Variants in ROCK1 observed in about 807,000 individuals in gnomAD.
ROCK1 encodes the protein Rho associated coiled-coil containing protein kinase 1.
A neutral mutation model predicts 196.8 loss-of-function variants in ROCK1; 36 were observed. That is an observed-to-expected ratio of 0.18 (90% confidence interval 0.14 to 0.24). ROCK1 has a LOEUF of 0.24. Ranked by LOEUF, ROCK1 falls within the 10% of genes least tolerant of loss-of-function variation. ROCK1 has a pLI of 1.00. For missense variants in ROCK1, 920 were observed against 1,562.0 expected, an observed-to-expected ratio of 0.59 and a Z score of 6.93; for synonymous variants, 443 against 515.9, an observed-to-expected ratio of 0.86 and a Z score of 1.91.
chr18:20,955,646 T>TA (rs947669793), intron 29 of ROCK1, among the ~76,000 whole-genome samples: 30 of 148,400 alleles, frequency 2.0e-4, no homozygotes, highest in African/African-American at 5.5e-4. Context: ...TATATCTATT[T>TA]AAAAAAACCT....
intron 1 of ROCK1, among the ~76,000 whole-genome samples, chr18:21,091,645 A>G (rs1013878814): frequency 6.6e-6 from 1 of 151,770 alleles, no homozygotes; most frequent in Non-Finnish European, 1.5e-5. Flanking sequence ...AATATGTGCT[A>G]GTTGAATCTT....
At chr18:20,968,920 A>G in intron 24 of ROCK1, 60 bp from the exon 25 acceptor site, 1 of 1,129,320 alleles carries the variant, frequency 8.9e-7, no homozygotes, top group Non-Finnish European at 1.3e-6. Flanking sequence ...TGCATTTCAA[A>G]CTAACAATGT....
chr18:20,959,086 T>TA (rs1568367368), intron 29 of ROCK1, among the ~76,000 whole-genome samples: 2 of 29,768 alleles, frequency 6.7e-5, no homozygotes, highest in African/African-American at 2.5e-4. Flanking sequence ...ATATATATAT[T>TA]TTATATAATA....
At chr18:20,995,542 G>A (rs778029171) in intron 16 of ROCK1, among the ~76,000 whole-genome samples, 13 of 152,192 alleles carry the variant, frequency 8.5e-5, no homozygotes, top group Non-Finnish European at 1.3e-4. Context: ...ACCTGCTCTG[G>A]GCCAGAGAGG....
In ROCK1 at chr18:20,986,139, G is replaced by T. The variant is rs142414442; in HGVS notation, c.2304+811C>A. Among the ~76,000 whole-genome samples, 43 of 152,274 alleles carry T rather than the reference G, an allele frequency of 2.8e-4. No individual in the cohort carries two copies. In the East Asian group the frequency reaches 7.5e-3, roughly 27 times the overall value. ...GCCTCCCGAAGTGCTGGGATTACAG[G>T]TGTCAGCCAACGTGCCTGGCCACCC... On this transcript the variant is annotated intron_variant, in intron 19 of 32. Transcript: ENST00000399799.
chr18:20,959,040 A>AATATATATAATATATATATTTTATATAAT (rs1376289380), intron 29 of ROCK1, among the ~76,000 whole-genome samples: 2 of 57,426 alleles, frequency 3.5e-5, no homozygotes, highest in African/African-American at 2.8e-4. Context: ...TATTTTATAT[A>AATATATATAATATATATATTTTATATAAT]ATATATAATA....
intron 1 of ROCK1, among the ~76,000 whole-genome samples, chr18:21,108,039 A>C (rs2036718497): frequency 6.6e-6 from 1 of 152,008 alleles, no homozygotes; most frequent in Admixed American, 6.6e-5. Context: ...TGGGCAACAG[A>C]GTGAGATTCC....
At chr18:21,088,437 C>T (rs1390500588) in intron 1 of ROCK1, among the ~76,000 whole-genome samples, 1 of 152,072 alleles carries the variant, frequency 6.6e-6, no homozygotes, top group East Asian at 1.9e-4. Context: ...AAGGTCAAGG[C>T]TAGAGTGAGC....
chr18:21,065,051 T>C (rs1461222037), intron 2 of ROCK1, among the ~76,000 whole-genome samples: 2 of 152,206 alleles, frequency 1.3e-5, no homozygotes, highest in South Asian at 4.1e-4. Flanking sequence ...CATCATACGA[T>C]GCAAAGAACA....
At chr18:21,104,554 G>A (rs978649454) in intron 1 of ROCK1, among the ~76,000 whole-genome samples, 4 of 152,116 alleles carry the variant, frequency 2.6e-5, no homozygotes, top group East Asian at 3.9e-4. Flanking sequence ...CCAAGATAGC[G>A]CCACGGCACT....
intron 22 of ROCK1, among the ~76,000 whole-genome samples, chr18:20,979,483 G>A (rs1345440163): frequency 3.3e-5 from 5 of 151,936 alleles, no homozygotes; most frequent in East Asian, 1.9e-4. Context: ...TTAGCGGAGC[G>A]TGGTGGCGCA....
intron 1 of ROCK1, among the ~76,000 whole-genome samples, chr18:21,107,406 C>T (rs1159298668): frequency 1.3e-5 from 2 of 152,150 alleles, no homozygotes; most frequent in Non-Finnish European, 2.9e-5. Flanking sequence ...AATTTGAAAA[C>T]CTTATTTTTG....
At chr18:20,984,690 T>C (rs1172644743) in intron 19 of ROCK1, among the ~76,000 whole-genome samples, 155 bp from the exon 20 acceptor site, 1 of 152,232 alleles carries the variant, frequency 6.6e-6, no homozygotes, top group Non-Finnish European at 1.5e-5. Context: ...CACGTGTTTA[T>C]TACAGTAGAT....
Position 21,085,580 on chromosome 18 carries a change from A to G in ROCK1, c.94-14967T>C, listed in dbSNP as rs564162964. On this transcript the variant is annotated intron_variant, in intron 1 of 32. Coordinates refer to ENST00000399799, the MANE Select transcript of ROCK1 (RefSeq NM_005406.3). ...GATGAAACATTTTTAGGTAGAAAAG[A>G]TATTTTTATAGAAGATACATGATTT... Among the ~76,000 whole-genome samples the G allele has an allele frequency of 2.6e-5, 4 of 152,320 alleles. No homozygotes were observed. In the South Asian group the frequency reaches 8.3e-4, roughly 32 times the overall value.
In ROCK1 at chr18:20,983,603, C is replaced by T. The variant is rs181865426; in HGVS notation, c.2489+748G>A. Among the ~76,000 whole-genome samples, 211 of 152,064 alleles carry T rather than the reference C, an allele frequency of 1.4e-3. 1 individual carries two copies. The highest frequency in any genetic ancestry group is 4.9e-3 in the African/African-American group (202 of 41,488). On this transcript the variant is annotated intron_variant, in intron 20 of 32. Transcript: ENST00000399799. ...TTTGTATTCTCAGTATCTCAAAAGG[C>T]ATGTGGCTGACAGAAAGTCTACACC...
In ROCK1 at chr18:21,110,935, T is replaced by A; in HGVS notation, c.-25A>T. On this transcript the variant is annotated 5_prime_UTR_variant, in exon 1 of 33. Coordinates refer to ENST00000399799, the MANE Select transcript of ROCK1 (RefSeq NM_005406.3). ...TGTTGCTGCTGCTGTGACAATGCCC[T>A]CTTACCAGCACCAGCAGCGGAAAGC... 1 of 1,581,930 alleles carries A rather than the reference T, an allele frequency of 6.3e-7. No individual in the cohort carries two copies. The highest frequency in any genetic ancestry group is 8.7e-7 in the Non-Finnish European group (1 of 1,151,192).
intron 12 of ROCK1, among the ~76,000 whole-genome samples, chr18:21,016,882 C>T (rs779897531): frequency 1.1e-4 from 17 of 151,702 alleles, no homozygotes; most frequent in Non-Finnish European, 2.2e-4. Context: ...CTTAGCCCCC[C>T]CGCAAAAAAA....
intron 18 of ROCK1, among the ~76,000 whole-genome samples, chr18:20,987,391 G>A (rs898137330): frequency 2.6e-4 from 40 of 152,226 alleles, no homozygotes; most frequent in African/African-American, 9.4e-4. Flanking sequence ...CAGACAAGAA[G>A]GTGAAGAGTA....
chr18:20,966,785 C>T (rs926753658), intron 27 of ROCK1, 132 bp downstream of exon 27: 3 of 687,048 alleles, frequency 4.4e-6, no homozygotes, highest in Non-Finnish European at 7.3e-6. Context: ...CAGGCCTTGG[C>T]TATCAGAAAT....
Sources: allele counts gnomAD v4.1 joint callset (sites outside exome capture counted in the v4.1 genomes callset), GRCh38; gene constraint gnomAD v4.1.1; transcripts MANE v1.5; gene names NCBI Gene and HGNC (gene_info 2026-07-23, HGNC 2026-07-21).